The following DENND4C variants were observed in gnomAD, a reference collection of about 807,000 sequenced individuals.
The protein encoded by DENND4C is DENN domain containing 4C.
In DENND4C, 108 loss-of-function variants were observed where a neutral mutation model predicts 203.0. The ratio of observed to expected loss-of-function variants is 0.53; its 90% CI spans 0.46 to 0.62. DENND4C has a LOEUF of 0.62. Among genes scored for constraint, DENND4C ranks in the 20% least tolerant of loss-of-function variants. The pLI is 0.00. For missense variants in DENND4C, 2,481 were observed against 2,301.2 expected (o/e 1.08, Z -1.60); for synonymous variants, 871 against 792.4 (o/e 1.10, Z -1.67).
intron 20 of DENND4C, among the ~76,000 whole-genome samples, chr9:19,338,940 A>G (rs948967289): frequency 1.3e-5 from 2 of 152,174 alleles, no homozygotes; most frequent in Non-Finnish European, 2.9e-5. Context: ...TGTTTTCTCT[A>G]GTACCTGATC....
intron 12 of DENND4C, among the ~76,000 whole-genome samples, chr9:19,320,277 C>T (rs1211979018): frequency 6.6e-6 from 1 of 151,884 alleles, no homozygotes; most frequent in East Asian, 1.9e-4. Context: ...TGGCTCACTG[C>T]AACCTCTGCC....
chr9:19,249,699 G>C (rs1459524589), intron 1 of DENND4C, among the ~76,000 whole-genome samples: 1 of 152,154 alleles, frequency 6.6e-6, no homozygotes, highest in Non-Finnish European at 1.5e-5. Context: ...GTGTGTGTTT[G>C]TTTTTGACAT....
intron 1 of DENND4C, among the ~76,000 whole-genome samples, chr9:19,231,557 T>A (rs1312976094): frequency 1.3e-5 from 2 of 151,264 alleles, no homozygotes; most frequent in East Asian, 3.9e-4. Flanking sequence ...TTTTTTTTCC[T>A]CCCCTTTTCT....
At chr9:19,256,997 G>C (rs1487294549) in intron 1 of DENND4C, among the ~76,000 whole-genome samples, 1 of 151,790 alleles carries the variant, frequency 6.6e-6, no homozygotes, top group Non-Finnish European at 1.5e-5. Flanking sequence ...GTGAACCTGG[G>C]AGGCGGAGGT....
At chr9:19,273,400 C>T (rs79403334) in intron 1 of DENND4C, among the ~76,000 whole-genome samples, 17 of 152,070 alleles carry the variant, frequency 1.1e-4, no homozygotes, top group South Asian at 8.3e-4. Context: ...TGATTTCTTA[C>T]GACATCGCAA....
In DENND4C at chr9:19,305,282, ATAC is replaced by A. The variant is rs1240706983; in HGVS notation, c.1312-67_1312-65del. The A allele has an allele frequency of 2.9e-6, 4 of 1,357,310 alleles. No individual in the cohort carries two copies. The Admixed American group carries it at 8.1e-5, about 28-fold the overall frequency. 84.1% of individuals were successfully genotyped at this position (1,357,310 alleles called of 1,614,324 possible). A position where few individuals can be genotyped will look rare whatever the true frequency, so the allele number is the denominator to read the frequency against. On this transcript the variant is annotated intron_variant, in intron 9 of 32. Transcript: ENST00000434457. ...GCTTTTCAGTGGTCCCTTTTCAGTA[ATAC>A]TAGTTACTTATATATTTTTTATTGC...
intron 17 of DENND4C, 43 bp from the exon 18 acceptor site, chr9:19,334,934 A>T (rs772799988): frequency 6.5e-7 from 1 of 1,528,730 alleles, no homozygotes; most frequent in Non-Finnish European, 8.8e-7. Flanking sequence ...TCACAGATAG[A>T]TTAGTATACT....
Position 19,250,716 on chromosome 9 carries a change from A to G in DENND4C, c.-18+19883A>G, listed in dbSNP as rs189794300. ...CAAATGGGAGAAATTGGCCAAAATG[A>G]AGGGGCTACAGGCCCCATGCAAGTC... is the stretch of plus-strand genomic sequence containing the variant. On this transcript the variant is annotated intron_variant, in intron 1 of 32. Transcript: ENST00000434457. 2.2e-3 allele frequency among the ~76,000 whole-genome samples: 337 copies of G among 152,352 alleles called. 3 individuals carry two copies. Among genetic ancestry groups the G allele is most frequent in the South Asian group, 3.9e-3 (19 of 4,832 alleles).
chr9:19,295,271 C>T (rs548863984), intron 5 of DENND4C, among the ~76,000 whole-genome samples: 29 of 152,044 alleles, frequency 1.9e-4, no homozygotes, highest in African/African-American at 5.3e-4. Context: ...TTTGGAAGGC[C>T]GAGGTGGGCG....
upstream of DENND4C, chr9:19,230,622 G>C (rs1324156320): frequency 6.6e-6 from 1 of 152,238 alleles, no homozygotes; most frequent in South Asian, 2.1e-4. Context: ...GCGCGGGCCA[G>C]CGCTCCGGCC....
At chr9:19,329,767 A>T (rs1439681184) in intron 16 of DENND4C, among the ~76,000 whole-genome samples, 1 of 152,136 alleles carries the variant, frequency 6.6e-6, no homozygotes, top group African/African-American at 2.4e-5. Flanking sequence ...TTGTATTTTA[A>T]ATTTGCATTT....
chr9:19,289,764 G>T, intron 4 of DENND4C, among the ~76,000 whole-genome samples: 1 of 147,952 alleles, frequency 6.8e-6, no homozygotes, highest in East Asian at 2.0e-4. Context: ...AGGAGGCGGA[G>T]GTTGCAGTGA....
chr9:19,238,754 A>C (rs1822929314), intron 1 of DENND4C, among the ~76,000 whole-genome samples: 1 of 145,848 alleles, frequency 6.9e-6, no homozygotes, highest in Non-Finnish European at 1.5e-5. Flanking sequence ...CCCGGGTTCA[A>C]GTGATTCTCC....
intron 6 of DENND4C, among the ~76,000 whole-genome samples, chr9:19,297,385 T>C (rs1387229351): frequency 6.6e-6 from 1 of 152,194 alleles, no homozygotes; most frequent in Non-Finnish European, 1.5e-5. Context: ...TTTTGTACTC[T>C]TGAAATGGCA....
At chr9:19,280,743 A>G (rs530356627) in intron 2 of DENND4C, among the ~76,000 whole-genome samples, 28 of 151,646 alleles carry the variant, frequency 1.8e-4, no homozygotes, top group Middle Eastern at 3.2e-3. Context: ...ATATAAAAAT[A>G]AGGAGAATTT....
At chr9:19,359,306 C>T (rs1209004045) in intron 28 of DENND4C, among the ~76,000 whole-genome samples, 1 of 151,740 alleles carries the variant, frequency 6.6e-6, no homozygotes, top group Non-Finnish European at 1.5e-5. Flanking sequence ...TTCCTAAACT[C>T]CTGAGCTCAA....
intron 12 of DENND4C, among the ~76,000 whole-genome samples, chr9:19,322,519 TC>T: frequency 6.6e-6 from 1 of 151,834 alleles, no homozygotes; most frequent in East Asian, 1.9e-4. Context: ...CCCCGCACTT[TC>T]GGAGGCCGAG....
intron 1 of DENND4C, among the ~76,000 whole-genome samples, chr9:19,272,335 A>G (rs1354827178): frequency 1.3e-5 from 2 of 151,416 alleles, no homozygotes; most frequent in Admixed American, 1.3e-4. Flanking sequence ...CAGGAGAATC[A>G]CTTGAACCTG....
intron 23 of DENND4C, 60 bp downstream of exon 23, chr9:19,347,146 G>A (rs1251276240): frequency 6.9e-7 from 1 of 1,451,322 alleles, no homozygotes; most frequent in Non-Finnish European, 9.4e-7. Context: ...TATCTTTCTA[G>A]AAATATATGT....
Sources: gnomAD v4.1 joint callset for allele counts (sites outside exome capture counted in the v4.1 genomes callset) on GRCh38, gnomAD v4.1.1 for gene constraint, MANE v1.5 for transcripts, NCBI Gene and HGNC (gene_info 2026-07-23, HGNC 2026-07-21) for gene names.